Variants in TTC3 observed in about 807,000 individuals in gnomAD.
The protein encoded by TTC3 is E3 ubiquitin-protein ligase TTC3.
Under a neutral mutation model 249.6 loss-of-function variants are expected in TTC3, and 180 were observed. The observed-to-expected ratio is 0.72, with a 90% confidence interval of 0.64 to 0.82. TTC3 has a LOEUF of 0.82. Ranked by LOEUF, TTC3 falls within the 40% of genes least tolerant of loss-of-function variation. The pLI is 0.00. For missense variants in TTC3, 2,061 were observed against 2,398.4 expected (o/e 0.86, Z 2.94); for synonymous variants, 717 against 805.0 (o/e 0.89, Z 1.85).
chr21:37,165,589 C>T (rs761208682), exon 33 of TTC3: 3 of 1,611,690 alleles, frequency 1.9e-6, no homozygotes, highest in Non-Finnish European at 1.7e-6. Context: ...GTCCCTTGGA[C>T]ATGAGTAACA....
chr21:37,116,963 A>G (rs1242231206), intron 11 of TTC3, among the ~76,000 whole-genome samples: 1 of 152,208 alleles, frequency 6.6e-6, no homozygotes, highest in Non-Finnish European at 1.5e-5. Context: ...TAGGGAATTT[A>G]GTCTAATTTG....
At chr21:37,157,659 G>C (rs1450270285) in intron 28 of TTC3, among the ~76,000 whole-genome samples, 3 of 152,186 alleles carry the variant, frequency 2.0e-5, no homozygotes, top group Admixed American at 1.3e-4. Flanking sequence ...GAATTAGAAA[G>C]CTGGGTGTCA....
chr21:37,087,373 G>A (rs199612355), exon 2 of TTC3: 18 of 1,613,934 alleles, frequency 1.1e-5, no homozygotes, highest in East Asian at 4.5e-5. Flanking sequence ...GATTATGTTC[G>A]TGTGACTCAG....
At position 37,192,094 on chromosome 21, in the gene TTC3, T is replaced by C; in HGVS notation, c.5116-18T>C. On this transcript the variant is annotated intron_variant, in intron 40 of 45. Coordinates refer to ENST00000355666, the Ensembl canonical transcript of TTC3. Reference sequence around the variant, plus strand: ...ATTGACAATTGTGGTTTTCCCACACTTTACTTTCTACTCACAGTCTCAGTT... The same window carrying C: ...ATTGACAATTGTGGTTTTCCCACACCTTACTTTCTACTCACAGTCTCAGTT... 1.3e-6 allele frequency: 2 copies of C among 1,523,054 alleles called. No homozygotes were observed. The highest frequency in any genetic ancestry group is 1.8e-6 in the Non-Finnish European group (2 of 1,111,694). 94.3% of individuals were successfully genotyped at this position (1,523,054 alleles called of 1,614,324 possible).
At chr21:37,148,595 T>A in exon 23 of TTC3, 1 of 1,606,672 alleles carries the variant, frequency 6.2e-7, no homozygotes, top group Non-Finnish European at 8.5e-7. Context: ...GAATTTCACA[T>A]GAATTGCTGG....
intron 1 of TTC3, 96 bp from the exon 2 acceptor site, chr21:37,087,151 C>T: frequency 7.2e-7 from 1 of 1,384,682 alleles, no homozygotes; most frequent in Non-Finnish European, 9.9e-7. Flanking sequence ...GCATAGGTTC[C>T]AAGTATTTTT....
intron 34 of TTC3, among the ~76,000 whole-genome samples, chr21:37,170,045 G>GA (rs1251373113): frequency 1.3e-5 from 2 of 151,576 alleles, no homozygotes; most frequent in East Asian, 1.9e-4. Context: ...AAGTATCCAG[G>GA]AAAAAAACGG....
chr21:37,187,013 T>C (rs775575202), intron 37 of TTC3, 36 bp from the exon 38 acceptor site: 1 of 1,415,576 alleles, frequency 7.1e-7, no homozygotes, highest in Non-Finnish European at 9.5e-7. Context: ...TGAAATTTTG[T>C]TCAAGAAAGT....
chr21:37,175,196 G>A (rs1262212537), intron 35 of TTC3, among the ~76,000 whole-genome samples: 5 of 147,400 alleles, frequency 3.4e-5, no homozygotes, highest in African/African-American at 1.0e-4. Context: ...CCCGGGAGGC[G>A]GAGCTTGCAC....
intron 39 of TTC3, 78 bp downstream of exon 39, chr21:37,188,673 G>C: frequency 9.7e-7 from 1 of 1,034,122 alleles, no homozygotes; most frequent in Non-Finnish European, 1.4e-6. Context: ...ACATTATTTT[G>C]TATTAGGACC....
chr21:37,105,368 T>G (rs1057501348), intron 10 of TTC3, among the ~76,000 whole-genome samples: 5 of 152,144 alleles, frequency 3.3e-5, no homozygotes, highest in Non-Finnish European at 1.5e-5. Flanking sequence ...GGTTGTATAT[T>G]CAGTGGCTCA....
rs555274564 is a variant in TTC3, at chr21:37,179,291, A to G, written c.4618-3483A>G. Reference sequence around the variant, plus strand: ...AACAGAGCAAGACCCTGTCTCAAAAAAACAAAAACAGAGAGTTTTTCTATA... The same window carrying G: ...AACAGAGCAAGACCCTGTCTCAAAAGAACAAAAACAGAGAGTTTTTCTATA... On this transcript the variant is annotated intron_variant, in intron 35 of 45. Coordinates refer to ENST00000355666, the Ensembl canonical transcript of TTC3. Among the ~76,000 whole-genome samples the G allele has an allele frequency of 2.0e-5, 3 of 152,326 alleles. No homozygotes were observed. The East Asian group carries it at 5.8e-4, about 29-fold the overall frequency.
chr21:37,182,948 A>T (rs749891950), intron 36 of TTC3, 35 bp downstream of exon 36: 25 of 1,355,892 alleles, frequency 1.8e-5, no homozygotes, highest in Middle Eastern at 2.0e-4. Flanking sequence ...ATTTTTATTT[A>T]AAAAAAAATA....
chr21:37,087,681 G>A (rs367740319), intron 2 of TTC3, 152 bp from the exon 3 acceptor site: 37 of 741,370 alleles, frequency 5.0e-5, no homozygotes, highest in African/African-American at 4.5e-4. Flanking sequence ...ACTGTAAAAC[G>A]GGTCTCAAAT....
chr21:37,157,700 G>A (rs183034025), intron 28 of TTC3, among the ~76,000 whole-genome samples: 6 of 152,252 alleles, frequency 3.9e-5, no homozygotes, highest in Admixed American at 3.9e-4. Flanking sequence ...ACCCTATTTG[G>A]GTAATGGCAT....
At chr21:37,197,417 A>G (rs1156948875) in intron 42 of TTC3, among the ~76,000 whole-genome samples, 153 bp from the exon 43 acceptor site, 2 of 151,786 alleles carry the variant, frequency 1.3e-5, no homozygotes, top group Admixed American at 1.3e-4. Context: ...TGCTTTTTAG[A>G]TAGTTATTGT....
At chr21:37,185,499 G>T (rs1346961485) in intron 36 of TTC3, among the ~76,000 whole-genome samples, 1 of 151,956 alleles carries the variant, frequency 6.6e-6, no homozygotes, top group Non-Finnish European at 1.5e-5. Flanking sequence ...TGAAGAAAAA[G>T]GTGATCTGGA....
intron 32 of TTC3, among the ~76,000 whole-genome samples, chr21:37,164,452 C>T (rs760024740): frequency 6.6e-6 from 1 of 151,662 alleles, no homozygotes; most frequent in African/African-American, 2.4e-5. Flanking sequence ...GATTGTCATG[C>T]GTCAGCCTCC....
intron 20 of TTC3, among the ~76,000 whole-genome samples, chr21:37,141,647 A>G (rs1225989833): frequency 2.0e-5 from 3 of 152,122 alleles, no homozygotes; most frequent in African/African-American, 7.2e-5. Flanking sequence ...GCGTGCCTGT[A>G]GTTCCAGCTA....
Sources: gnomAD v4.1 joint callset for allele counts (sites outside exome capture counted in the v4.1 genomes callset) on GRCh38, gnomAD v4.1.1 for gene constraint, MANE v1.5 for transcripts, NCBI Gene and HGNC (gene_info 2026-07-23, HGNC 2026-07-21) for gene names.